Variants in SPATS1 observed in about 807,000 individuals in gnomAD.
SPATS1 encodes the protein spermatogenesis-associated serine-rich protein 1.
SPATS1 carries 23 observed loss-of-function variants against 33.6 expected under a neutral mutation model. That is an observed-to-expected ratio of 0.68 (90% CI 0.49 to 0.97). SPATS1 has a LOEUF of 0.97. Ranked by LOEUF, SPATS1 falls within the 50% of genes least tolerant of loss-of-function variation. The probability of loss-of-function intolerance (pLI) is 0.00; values close to 1 mark genes in which losing one functional copy is unlikely to be tolerated. For missense variants in SPATS1, 327 were observed against 361.0 expected, an observed-to-expected ratio of 0.91 and a Z score of 0.76; for synonymous variants, 131 against 125.6, an observed-to-expected ratio of 1.04 and a Z score of -0.29.
intron 3 of SPATS1, among the ~76,000 whole-genome samples, chr6:44,353,969 C>T (rs370680740): frequency 2.8e-5 from 4 of 143,558 alleles, no homozygotes; most frequent in African/African-American, 5.1e-5. Flanking sequence ...CCTAGGAAGG[C>T]GGAGCTTGCA....
intron 3 of SPATS1, among the ~76,000 whole-genome samples, 198 bp from the exon 4 acceptor site, chr6:44,360,248 G>T (rs9472264): frequency 7.2e-5 from 11 of 152,312 alleles, no homozygotes; most frequent in Non-Finnish European, 1.6e-4. Flanking sequence ...GATTACAGGC[G>T]TGTGCCACTG....
chr6:44,371,703 TG>T (rs1789624249), intron 7 of SPATS1, among the ~76,000 whole-genome samples: 1 of 152,166 alleles, frequency 6.6e-6, no homozygotes, highest in African/African-American at 2.4e-5. Flanking sequence ...CCCAGCACTT[TG>T]GGAGGCTGAG....
intron 3 of SPATS1, among the ~76,000 whole-genome samples, chr6:44,357,300 G>A (rs1788649278): frequency 6.6e-6 from 1 of 152,144 alleles, no homozygotes; most frequent in Admixed American, 6.6e-5. Context: ...GGCTTCCACT[G>A]ACTTTCCAGT....
chr6:44,373,247 C>T (rs1035101463), intron 7 of SPATS1, among the ~76,000 whole-genome samples: 2 of 152,212 alleles, frequency 1.3e-5, no homozygotes, highest in African/African-American at 4.8e-5. Context: ...TGGGGTTGCT[C>T]ATCCTACGCT....
At chr6:44,374,802 A>C (rs1789831778) in intron 7 of SPATS1, among the ~76,000 whole-genome samples, 1 of 152,198 alleles carries the variant, frequency 6.6e-6, no homozygotes, top group Non-Finnish European at 1.5e-5. Flanking sequence ...GTATCTTTAT[A>C]CATTGCTCTT....
chr6:44,377,031 A>C lies in SPATS1; in HGVS notation c.875-4A>C. On this transcript the variant is annotated splice_region_variant and splice_polypyrimidine_tract_variant and intron_variant, in intron 8 of 8. Coordinates refer to ENST00000674044, the MANE Select transcript of SPATS1 (RefSeq NM_001372081.1). ...AACCTGTAACTCCATGCCTCTATCC[A>C]CAGGTGCTTTGGACTTTCCAAGACA... 1 of 1,614,224 alleles carries C rather than the reference A, an allele frequency of 6.2e-7. No individual in the cohort carries two copies. Among genetic ancestry groups the C allele is most frequent in the Non-Finnish European group, 8.5e-7 (1 of 1,180,042 alleles).
At chr6:44,367,717 T>A (rs1789334789) in intron 5 of SPATS1, among the ~76,000 whole-genome samples, 1 of 152,234 alleles carries the variant, frequency 6.6e-6, no homozygotes, top group Non-Finnish European at 1.5e-5. Flanking sequence ...TTATTTTAAA[T>A]TTTAATTTTT....
At chr6:44,343,452 C>T (rs760548827) in intron 2 of SPATS1, 3 of 644,356 alleles carry the variant, frequency 4.7e-6, no homozygotes, top group South Asian at 4.5e-5. Context: ...CATAAATTAC[C>T]TCACTGGATC....
intron 2 of SPATS1, among the ~76,000 whole-genome samples, chr6:44,352,348 C>T (rs1001433100): frequency 2.0e-5 from 3 of 152,056 alleles, no homozygotes; most frequent in African/African-American, 7.2e-5. Context: ...AGGTTGGTCT[C>T]GAACTCCTGA....
intron 5 of SPATS1, among the ~76,000 whole-genome samples, chr6:44,362,632 AG>A (rs1401389980): frequency 6.6e-6 from 1 of 152,226 alleles, no homozygotes; most frequent in Non-Finnish European, 1.5e-5. Flanking sequence ...AGAAATAAAT[AG>A]GATTGCTGTA....
At chr6:44,349,406 T>C (rs540267665) in intron 2 of SPATS1, among the ~76,000 whole-genome samples, 1 of 151,798 alleles carries the variant, frequency 6.6e-6, no homozygotes, top group East Asian at 1.9e-4. Context: ...GAGTTGAAAG[T>C]GGTTTAGTAG....
chr6:44,364,714 CTTTCTTTCT>C (rs1162081313), intron 5 of SPATS1, among the ~76,000 whole-genome samples: 1 of 151,402 alleles, frequency 6.6e-6, no homozygotes, highest in African/African-American at 2.4e-5. Flanking sequence ...TCTCCCCACT[CTTTCTTTCT>C]TTTCTTTCTT....
chr6:44,342,831 G>A (rs1463487575), intron 1 of SPATS1, 63 bp downstream of exon 1: 24 of 1,101,496 alleles, frequency 2.2e-5, no homozygotes, highest in Non-Finnish European at 3.0e-5. Context: ...GGAAGACCCC[G>A]AGGTGGAAAA....
intron 3 of SPATS1, among the ~76,000 whole-genome samples, chr6:44,359,271 AT>A (rs1349288309): frequency 6.6e-6 from 1 of 152,258 alleles, no homozygotes; most frequent in South Asian, 2.1e-4. Context: ...GATTTTATGC[AT>A]TTTTAAGTGT....
chr6:44,356,055 T>C (rs1319053465), intron 3 of SPATS1, among the ~76,000 whole-genome samples: 1 of 152,228 alleles, frequency 6.6e-6, no homozygotes, highest in African/African-American at 2.4e-5. Context: ...TAGATTGATA[T>C]ATTGAACTGC....
intron 2 of SPATS1, among the ~76,000 whole-genome samples, chr6:44,349,264 A>C (rs1418672722): frequency 1.5e-5 from 2 of 129,872 alleles, no homozygotes; most frequent in East Asian, 4.5e-4. Flanking sequence ...ATGCCATTGC[A>C]CTCCAGCCTG....
chr6:44,352,257 A>C (rs1292709928), intron 2 of SPATS1, among the ~76,000 whole-genome samples: 4 of 152,008 alleles, frequency 2.6e-5, no homozygotes, highest in African/African-American at 9.7e-5. Flanking sequence ...CAGCCTCCCA[A>C]ATAGCTGGGA....
intron 6 of SPATS1, among the ~76,000 whole-genome samples, chr6:44,368,936 G>A (rs1307565224): frequency 2.7e-5 from 4 of 146,650 alleles, no homozygotes; most frequent in South Asian, 4.3e-4. Context: ...TCGCTCCGTC[G>A]CCCTGGCTGG....
intron 1 of SPATS1, 113 bp downstream of exon 1, chr6:44,342,881 T>A: frequency 7.8e-7 from 1 of 1,287,880 alleles, no homozygotes; most frequent in Non-Finnish European, 1.1e-6. Context: ...GCAGCGAGCC[T>A]GGTTCGGGCT....
Sources: allele counts gnomAD v4.1 joint callset (sites outside exome capture counted in the v4.1 genomes callset), GRCh38; gene constraint gnomAD v4.1.1; transcripts MANE v1.5; gene names NCBI Gene and HGNC (gene_info 2026-07-23, HGNC 2026-07-21).